Variants in RETREG1 observed in about 807,000 individuals in gnomAD.
The protein encoded by RETREG1 is family with sequence similarity 134 member B.
A neutral mutation model predicts 54.8 loss-of-function variants in RETREG1; 44 were observed. That is an observed-to-expected ratio of 0.80 (90% CI 0.63 to 1.03). RETREG1 has a LOEUF of 1.03. Among genes scored for constraint, RETREG1 ranks in the 50% least tolerant of loss-of-function variants. The pLI is 0.00. For missense variants in RETREG1, 554 were observed against 605.1 expected (o/e 0.92, Z 0.89); for synonymous variants, 217 against 238.5 (o/e 0.91, Z 0.83).
intron 3 of RETREG1, 34 bp from the exon 4 acceptor site, chr5:16,483,506 A>G: frequency 6.2e-7 from 1 of 1,608,792 alleles, no homozygotes; most frequent in Non-Finnish European, 8.5e-7. Context: ...ATACTACTGA[A>G]CTTTGGATGA....
Position 16,593,022 on chromosome 5 carries a change from C to T in RETREG1, c.321-20920G>A, listed in dbSNP as rs144184044. On this transcript the variant is annotated intron_variant, in intron 1 of 8. Transcript: ENST00000306320. This position sits in a 1 kb window ranked among gnomAD's most constrained non-coding sequence, Gnocchi z 4.9. ...GATATGAGTTCACCTATATAACACA[C>T]TTGAACTTAAAAGTTTTTCAAAAAA... 5.9e-5 allele frequency among the ~76,000 whole-genome samples: 9 copies of T among 152,212 alleles called. No individual in the cohort carries two copies. Among genetic ancestry groups the T allele is most frequent in the Non-Finnish European group, 8.8e-5 (6 of 68,012 alleles).
In RETREG1 at chr5:16,563,464, T is replaced by G. The variant is rs373756301; in HGVS notation, c.458+2299A>C. 1.6e-4 allele frequency among the ~76,000 whole-genome samples: 25 copies of G among 152,208 alleles called. 1 individual carries two copies. Among genetic ancestry groups the G allele is most frequent in the Admixed American group, 1.3e-3 (20 of 15,278 alleles). On this transcript the variant is annotated intron_variant, in intron 3 of 8. Transcript: ENST00000306320. Reference sequence around the variant, plus strand: ...TGTAGAGTTAGGGTCTCCCTACCATTGCCCAGGCTGGTCTCAAACTCCTGG... The same window carrying G: ...TGTAGAGTTAGGGTCTCCCTACCATGGCCCAGGCTGGTCTCAAACTCCTGG...
intron 3 of RETREG1, among the ~76,000 whole-genome samples, chr5:16,510,818 CA>C (rs57713373): frequency 0.025 from 1,907 of 75,716 alleles, 45 homozygotes; most frequent in African/African-American, 0.078. Context: ...ACAACAACAA[CA>C]AAAAAAAAAA....
At chr5:16,538,830 G>A (rs539735275) in intron 3 of RETREG1, among the ~76,000 whole-genome samples, 6 of 151,664 alleles carry the variant, frequency 4.0e-5, no homozygotes, top group East Asian at 1.9e-4. Context: ...TCAGCCTCCC[G>A]AGTGGCTGGG....
At chr5:16,543,787 C>T (rs1741312147) in intron 3 of RETREG1, among the ~76,000 whole-genome samples, 7 of 151,970 alleles carry the variant, frequency 4.6e-5, no homozygotes. Flanking sequence ...TCCTCACTAA[C>T]ACTTGGTATG....
intron 1 of RETREG1, among the ~76,000 whole-genome samples, chr5:16,573,735 G>GTTTGTT (rs1742248246): frequency 9.0e-5 from 11 of 122,100 alleles, no homozygotes; most frequent in Admixed American, 2.0e-4. Context: ...GGGTTTGTTT[G>GTTTGTT]TTTTTTGTTT....
chr5:16,515,404 A>G (rs1740317593), intron 3 of RETREG1, among the ~76,000 whole-genome samples: 1 of 152,198 alleles, frequency 6.6e-6, no homozygotes, highest in African/African-American at 2.4e-5. Context: ...TGTTTTCTTC[A>G]TATAACTTGG....
chr5:16,567,740 T>C (rs1254991509), intron 2 of RETREG1, among the ~76,000 whole-genome samples: 2 of 151,976 alleles, frequency 1.3e-5, no homozygotes, highest in Admixed American at 6.6e-5. Context: ...GGGGATCACT[T>C]GAGGCCAGGA....
chr5:16,588,377 T>C (rs1742673550), intron 1 of RETREG1, among the ~76,000 whole-genome samples: 1 of 152,184 alleles, frequency 6.6e-6, no homozygotes, highest in Non-Finnish European at 1.5e-5. Flanking sequence ...CCATGTGACC[T>C]CATGTAACCT....
intron 3 of RETREG1, among the ~76,000 whole-genome samples, chr5:16,557,870 C>T (rs1741751966): frequency 6.6e-6 from 1 of 151,568 alleles, no homozygotes; most frequent in Non-Finnish European, 1.5e-5. Context: ...TTTGAAAGTC[C>T]CCTGCAAAAC....
At chr5:16,518,181 T>C (rs1162101331) in intron 3 of RETREG1, among the ~76,000 whole-genome samples, 4 of 148,128 alleles carry the variant, frequency 2.7e-5, no homozygotes, top group Middle Eastern at 3.3e-3. Flanking sequence ...TATGTAAATA[T>C]AGTGATTATA....
chr5:16,587,817 CT>C (rs1742662866), intron 1 of RETREG1, among the ~76,000 whole-genome samples: 1 of 152,184 alleles, frequency 6.6e-6, no homozygotes, highest in African/African-American at 2.4e-5. Context: ...ATTGTTCTGC[CT>C]GGTTCTCCCG....
At chr5:16,540,198 A>G (rs578038071) in intron 3 of RETREG1, among the ~76,000 whole-genome samples, 2 of 152,340 alleles carry the variant, frequency 1.3e-5, no homozygotes, top group African/African-American at 2.4e-5. Flanking sequence ...AAAACTACCA[A>G]TAAAACAGGC....
At chr5:16,560,935 C>T (rs1033652260) in intron 3 of RETREG1, among the ~76,000 whole-genome samples, 2 of 152,064 alleles carry the variant, frequency 1.3e-5, no homozygotes, top group African/African-American at 4.8e-5. Flanking sequence ...GCAGTGGCCA[C>T]ACCGAGGAAA....
chr5:16,522,910 G>A (rs902949230), intron 3 of RETREG1, among the ~76,000 whole-genome samples: 66 of 152,100 alleles, frequency 4.3e-4, no homozygotes, highest in African/African-American at 1.2e-3. Context: ...GGAGGCTGAT[G>A]GGGGAGGATC....
intron 3 of RETREG1, among the ~76,000 whole-genome samples, chr5:16,553,781 T>C (rs1418664538): frequency 1.3e-5 from 2 of 152,120 alleles, no homozygotes; most frequent in Non-Finnish European, 2.9e-5. Flanking sequence ...AACTTATATA[T>C]ATATTACAAA....
At chr5:16,490,905 G>A (rs978189044) in intron 3 of RETREG1, among the ~76,000 whole-genome samples, 7 of 152,234 alleles carry the variant, frequency 4.6e-5, no homozygotes, top group South Asian at 2.1e-4. Context: ...GTTAAAAAGC[G>A]GCTTTGGTTC....
At chr5:16,580,176 G>A (rs1742443991) in intron 1 of RETREG1, among the ~76,000 whole-genome samples, 1 of 152,110 alleles carries the variant, frequency 6.6e-6, no homozygotes, top group East Asian at 1.9e-4. Flanking sequence ...CCAGCTTCAG[G>A]ACACCATGCA....
At chr5:16,582,677 G>A (rs1742523267) in intron 1 of RETREG1, among the ~76,000 whole-genome samples, 1 of 150,736 alleles carries the variant, frequency 6.6e-6, no homozygotes, top group Non-Finnish European at 1.5e-5. Context: ...AAAAAAAAAC[G>A]GCCTGGGTAA....
Sources: allele counts gnomAD v4.1 joint callset (sites outside exome capture counted in the v4.1 genomes callset), GRCh38; gene constraint gnomAD v4.1.1; non-coding constraint Gnocchi (gnomAD v3.1); transcripts MANE v1.5; gene names NCBI Gene and HGNC (gene_info 2026-07-23, HGNC 2026-07-21).